Variants in RBMS3 observed in about 807,000 individuals in gnomAD.
RBMS3 encodes the protein RNA binding motif single stranded interacting protein 3, also known as RNA-binding motif, single-stranded-interacting protein 3.
Under a neutral mutation model 66.8 loss-of-function variants are expected in RBMS3, and 27 were observed. The ratio of observed to expected loss-of-function variants is 0.40; its 90% CI spans 0.30 to 0.56. The LOEUF (loss-of-function observed/expected upper bound fraction) is 0.56. Among genes scored for constraint, RBMS3 ranks in the 20% least tolerant of loss-of-function variants. The probability of loss-of-function intolerance (pLI) is 0.40; values close to 1 mark genes in which losing one functional copy is unlikely to be tolerated. For synonymous variants in RBMS3, 188 were observed against 183.0 expected (o/e 1.03, Z -0.22); for missense variants, 513 against 549.5 (o/e 0.93, Z 0.66).
intron 4 of RBMS3, among the ~76,000 whole-genome samples, chr3:29,634,525 T>C (rs1013201214): frequency 1.3e-5 from 2 of 151,854 alleles, no homozygotes; most frequent in Non-Finnish European, 2.9e-5. Flanking sequence ...AGTAGGTAAA[T>C]AAATGCCCCT....
intron 3 of RBMS3, among the ~76,000 whole-genome samples, chr3:29,568,728 A>T (rs1220861761): frequency 6.6e-6 from 1 of 152,220 alleles, no homozygotes; most frequent in Non-Finnish European, 1.5e-5. Flanking sequence ...TCTGAAATAC[A>T]CTTATCTCTC....
intron 3 of RBMS3, among the ~76,000 whole-genome samples, chr3:29,554,884 A>G (rs1404624827): frequency 2.0e-5 from 3 of 152,180 alleles, no homozygotes; most frequent in Non-Finnish European, 2.9e-5. Flanking sequence ...AAGCAAAAAT[A>G]TAATTTTTTG....
intron 1 of RBMS3, among the ~76,000 whole-genome samples, chr3:29,410,768 G>A (rs2040232492): frequency 6.6e-6 from 1 of 152,136 alleles, no homozygotes; most frequent in African/African-American, 2.4e-5. Flanking sequence ...GGTATTCACT[G>A]GGTGTTTTTC....
chr3:29,702,429 T>TG (rs1305266801), intron 4 of RBMS3, among the ~76,000 whole-genome samples: 4 of 152,090 alleles, frequency 2.6e-5, no homozygotes, highest in African/African-American at 9.7e-5. Flanking sequence ...AGGATGTGGG[T>TG]GGGGCCAGAT....
intron 8 of RBMS3, among the ~76,000 whole-genome samples, chr3:29,885,873 C>G (rs1035185460): frequency 6.6e-6 from 1 of 151,850 alleles, no homozygotes; most frequent in South Asian, 2.1e-4. Flanking sequence ...GCCCAAGGCT[C>G]TATGCCAAGG....
intron 5 of RBMS3, 90 bp downstream of exon 5, chr3:29,739,967 G>C: frequency 2.0e-5 from 14 of 691,888 alleles, no homozygotes; most frequent in East Asian, 8.6e-5. Context: ...CAAAGCAATA[G>C]AATATGCAAA....
At chr3:29,680,334 C>G (rs962559052) in intron 4 of RBMS3, among the ~76,000 whole-genome samples, 1 of 152,134 alleles carries the variant, frequency 6.6e-6, no homozygotes, top group African/African-American at 2.4e-5. Flanking sequence ...AACTTGGGTC[C>G]CATTCTATTC....
intron 3 of RBMS3, among the ~76,000 whole-genome samples, chr3:29,544,971 T>C (rs753707819): frequency 5.5e-4 from 83 of 152,274 alleles, no homozygotes; most frequent in Non-Finnish European, 1.0e-3. Flanking sequence ...TCCTAGCCTT[T>C]GACACAGCAA....
intron 1 of RBMS3, among the ~76,000 whole-genome samples, chr3:29,313,116 CATT>C (rs2034478380): frequency 6.6e-6 from 1 of 151,750 alleles, no homozygotes; most frequent in African/African-American, 2.4e-5. Context: ...GGAATGTTCA[CATT>C]TCTTATCTTG....
At chr3:29,329,472 G>A (rs1279608591) in intron 1 of RBMS3, among the ~76,000 whole-genome samples, 1 of 152,008 alleles carries the variant, frequency 6.6e-6, no homozygotes, top group African/African-American at 2.4e-5. Context: ...AAAGCCACAG[G>A]AAGCATTTAT....
chr3:29,433,015 CATT>C (rs2041266139), intron 1 of RBMS3, among the ~76,000 whole-genome samples: 1 of 152,120 alleles, frequency 6.6e-6, no homozygotes, highest in Non-Finnish European at 1.5e-5. Flanking sequence ...CAGGACATCT[CATT>C]ATTTACCCAG....
intron 1 of RBMS3, among the ~76,000 whole-genome samples, chr3:29,395,359 C>T (rs537969762): frequency 4.6e-5 from 7 of 152,194 alleles, no homozygotes; most frequent in Admixed American, 3.3e-4. Context: ...TGTAAAACGG[C>T]ATGTAGGGTA....
At chr3:29,331,655 T>A (rs7373940) in intron 1 of RBMS3, among the ~76,000 whole-genome samples, 31,263 of 151,688 alleles carry the variant, frequency 0.21, 4,422 homozygotes, top group African/African-American at 0.35. Context: ...CAGCCTCGCG[T>A]GGCTGACCAG....
At chr3:29,559,065 A>G (rs1265032098) in intron 3 of RBMS3, among the ~76,000 whole-genome samples, 1 of 152,196 alleles carries the variant, frequency 6.6e-6, no homozygotes, top group Non-Finnish European at 1.5e-5. Flanking sequence ...CTTTACAGAA[A>G]GTGGTTAAAA....
intron 3 of RBMS3, among the ~76,000 whole-genome samples, chr3:29,573,770 T>C (rs773919271): frequency 1.3e-5 from 2 of 152,172 alleles, no homozygotes; most frequent in African/African-American, 2.4e-5. Flanking sequence ...GTTTCCATTA[T>C]CATTTGTTTC....
chr3:29,500,642 T>C (rs2043932997), intron 3 of RBMS3, among the ~76,000 whole-genome samples: 1 of 152,172 alleles, frequency 6.6e-6, no homozygotes, highest in East Asian at 1.9e-4. Context: ...CAATATGCGG[T>C]ACAGGTTTGT....
intron 1 of RBMS3, among the ~76,000 whole-genome samples, chr3:29,400,119 C>G (rs1559549549): frequency 6.6e-6 from 1 of 152,020 alleles, no homozygotes; most frequent in Non-Finnish European, 1.5e-5. Context: ...TCCAGCCCTT[C>G]TGGGGAAAAA....
intron 2 of RBMS3, among the ~76,000 whole-genome samples, chr3:29,478,010 C>G (rs967464801): frequency 1.3e-5 from 2 of 152,156 alleles, no homozygotes; most frequent in African/African-American, 4.8e-5. Flanking sequence ...CTCATGCCAT[C>G]CACTGACCTT....
At chr3:29,793,236 A>AAAAAAAAG (rs140712587) in intron 6 of RBMS3, among the ~76,000 whole-genome samples, 1 of 150,282 alleles carries the variant, frequency 6.7e-6, no homozygotes, top group Non-Finnish European at 1.5e-5. Context: ...ATCTCAAAAA[A>AAAAAAAAG]AAAAAGAAAA....
Sources: allele counts gnomAD v4.1 joint callset (sites outside exome capture counted in the v4.1 genomes callset), GRCh38; gene constraint gnomAD v4.1.1; transcripts MANE v1.5; gene names NCBI Gene and HGNC (gene_info 2026-07-23, HGNC 2026-07-21).